Variants in MINPP1 observed in about 807,000 individuals in gnomAD.
MINPP1 encodes multiple inositol polyphosphate phosphatase 1.
MINPP1 carries 28 observed loss-of-function variants against 46.1 expected under a neutral mutation model. The ratio of observed to expected loss-of-function variants is 0.61; its 90% CI spans 0.45 to 0.83. MINPP1 has a LOEUF of 0.83. Ranked by LOEUF, MINPP1 falls within the 40% of genes least tolerant of loss-of-function variation. The pLI is 0.00. For synonymous variants in MINPP1, 268 were observed against 249.1 expected, an observed-to-expected ratio of 1.08 and a Z score of -0.72; for missense variants, 603 against 610.0, an observed-to-expected ratio of 0.99 and a Z score of 0.12.
chr10:87,529,934 C>T (rs952002597), intron 4 of MINPP1, among the ~76,000 whole-genome samples: 4 of 152,148 alleles, frequency 2.6e-5, no homozygotes, highest in African/African-American at 9.7e-5. Context: ...AACTTCTCTT[C>T]TCGCTTCATT....
At position 87,541,138 on chromosome 10, in the gene MINPP1, T is replaced by C. The variant is rs530728467; in HGVS notation, c.1068-10944T>C. 2.3e-3 allele frequency among the ~76,000 whole-genome samples: 345 copies of C among 152,306 alleles called. 1 individual carries two copies. The highest frequency in any genetic ancestry group is 5.6e-3 in the South Asian group (27 of 4,828). ...TGCTACTTAACTTTGTCAAAGAAAATAGAAATGTGAGTAATCCTTATAAAT... is the reference window on the plus strand; with the variant it reads ...TGCTACTTAACTTTGTCAAAGAAAACAGAAATGTGAGTAATCCTTATAAAT... On this transcript the variant is annotated intron_variant, in intron 4 of 4. Coordinates refer to ENST00000371996, the MANE Select transcript of MINPP1 (RefSeq NM_004897.5).
rs1160682999 is a variant in MINPP1, at chr10:87,553,386, T to C, written c.*908T>C. The C allele has an allele frequency of 6.6e-6, 1 of 152,146 alleles. No individual in the cohort carries two copies. The highest frequency in any genetic ancestry group is 1.5e-5 in the Non-Finnish European group (1 of 68,012). 9.4% of individuals were successfully genotyped at this position (152,146 alleles called of 1,614,324 possible). A position where few individuals can be genotyped will look rare whatever the true frequency, so the allele number is the denominator to read the frequency against. On this transcript the variant is annotated 3_prime_UTR_variant, in exon 5 of 5. Transcript: ENST00000371996. ...TATAATAAAGAAAATTCTTGTGACTTTACTACCAGGACTTTTCTCTTCCCC... is the reference window on the plus strand; with the variant it reads ...TATAATAAAGAAAATTCTTGTGACTCTACTACCAGGACTTTTCTCTTCCCC...
chr10:87,523,935 TTTG>T (rs1189591973), intron 4 of MINPP1, among the ~76,000 whole-genome samples: 1 of 152,208 alleles, frequency 6.6e-6, no homozygotes, highest in African/African-American at 2.4e-5. Context: ...TCATCCAGGC[TTTG>T]TTGTTCTATT....
At chr10:87,521,713 G>T (rs1851504233) in intron 4 of MINPP1, among the ~76,000 whole-genome samples, 1 of 152,148 alleles carries the variant, frequency 6.6e-6, no homozygotes, top group Non-Finnish European at 1.5e-5. Flanking sequence ...TTGTCAGTGG[G>T]CATTTAGATA....
chr10:87,522,388 A>G (rs12250975), intron 4 of MINPP1, among the ~76,000 whole-genome samples: 17,067 of 152,154 alleles, frequency 0.11, 2,026 homozygotes, highest in East Asian at 0.31. Context: ...TAGGGTCATT[A>G]TTTTTTAAAA....
chr10:87,505,167 C>T lies in MINPP1; in HGVS notation c.252C>T (p.Val84=), dbSNP rs1204390035. The T allele has an allele frequency of 6.2e-7, 1 of 1,608,804 alleles. No homozygotes were observed. The highest frequency in any genetic ancestry group is 8.5e-7 in the Non-Finnish European group (1 of 1,177,778). ...LEGTCTPVQL[V]ALIRHGTRYP... is the part of the protein sequence containing the mutation. ...GGACCTGCACCCCGGTGCAGCTGGT[C>T]GCCCTCATTCGCCACGGCACCCGCT... Residue 84 remains valine (V), a synonymous_variant, in exon 1 of 5, where the codon GTC becomes GTT. Coordinates refer to ENST00000371996, the MANE Select transcript of MINPP1 (RefSeq NM_004897.5). This position sits in a 1 kb window ranked among gnomAD's most constrained non-coding sequence, Gnocchi z 4.4.
At chr10:87,531,935 T>G (rs1851665887) in intron 4 of MINPP1, among the ~76,000 whole-genome samples, 1 of 152,206 alleles carries the variant, frequency 6.6e-6, no homozygotes, top group Non-Finnish European at 1.5e-5. Context: ...ATACTCAACC[T>G]ATACCTCACC....
intron 4 of MINPP1, among the ~76,000 whole-genome samples, chr10:87,549,958 A>G (rs1851939261): frequency 6.6e-6 from 1 of 152,240 alleles, no homozygotes; most frequent in Non-Finnish European, 1.5e-5. Flanking sequence ...AGACTTGAAT[A>G]TACTCAGATG....
In MINPP1 at chr10:87,505,537, C is replaced by T. The variant is rs567369847; in HGVS notation, c.622C>T (p.Pro208Ser). 1.7e-5 allele frequency: 28 copies of T among 1,607,658 alleles called. No individual in the cohort carries two copies. In the South Asian group the frequency reaches 3.0e-4, roughly 17 times the overall value. ...GCAGCACTACCACCCTGGCTTGCCG[C>T]CGCCGGACGTCGCAGGTGACCCCCC... ...LWQHYHPGLPPPDVADMEFGP... is the reference protein window; with the variant it reads ...LWQHYHPGLPSPDVADMEFGP... The change falls in exon 1 of 5, where the codon CCG (proline) becomes TCG (serine). Residue 208 changes from proline (P) to serine (S), a missense_variant. Around this residue, in one of 3 missense-constraint regions of MINPP1, gnomAD observed 344 missense variants for 381.1 expected, o/e 0.90. Transcript: ENST00000371996. This position sits in a 1 kb window ranked among gnomAD's most constrained non-coding sequence, Gnocchi z 4.4.
At chr10:87,528,615 T>A (rs1432319239) in intron 4 of MINPP1, among the ~76,000 whole-genome samples, 4 of 152,036 alleles carry the variant, frequency 2.6e-5, no homozygotes, top group Non-Finnish European at 5.9e-5. Flanking sequence ...TGCTGAGGAG[T>A]GCTTTACTTC....
chr10:87,525,688 C>G (rs1303938101), intron 4 of MINPP1, among the ~76,000 whole-genome samples: 1 of 152,194 alleles, frequency 6.6e-6, no homozygotes, highest in Non-Finnish European at 1.5e-5. Flanking sequence ...TAATGCTATC[C>G]TTTCCCCCTC....
intron 1 of MINPP1, chr10:87,507,749 A>G: frequency 2.6e-6 from 2 of 763,718 alleles, no homozygotes; most frequent in Non-Finnish European, 3.2e-6. Context: ...AATTTTATAT[A>G]GAAAGTTATC....
chr10:87,541,380 C>T (rs1851813568), intron 4 of MINPP1, among the ~76,000 whole-genome samples: 1 of 152,068 alleles, frequency 6.6e-6, no homozygotes, highest in African/African-American at 2.4e-5. Context: ...TGAATGGGAC[C>T]TTGATTTGAA....
rs568497933 is a variant in MINPP1 at position 87,510,159 on chromosome 10, T to C, written c.835+1626T>C. On this transcript the variant is annotated intron_variant, in intron 2 of 4. Transcript: ENST00000371996. ...GAACATGGGAATTATTCTTGTCTTA[T>C]AGGATTATTGCAAAGATTATATAAG... Among the ~76,000 whole-genome samples, 11 of 152,384 alleles carry C rather than the reference T, an allele frequency of 7.2e-5. No individual in the cohort carries two copies. The South Asian group carries it at 2.3e-3, about 32-fold the overall frequency.
Position 87,521,086 on chromosome 10 carries a change from G to A in MINPP1, c.984G>A (p.Gly328=). The change falls in exon 4 of 5, where the codon GGG becomes GGA. Residue 328 remains glycine, a synonymous_variant. Coordinates refer to ENST00000371996, the MANE Select transcript of MINPP1 (RefSeq NM_004897.5). ...AACAATATTGGAAAAGAGGATATGG[G>A]TATACTATTAACAGTCGATCCAGCT... ...DLKQYWKRGY[G]YTINSRSSCT... 2.1e-6 allele frequency: 3 copies of A among 1,447,440 alleles called. No individual in the cohort carries two copies. The highest frequency in any genetic ancestry group is 2.9e-6 in the Non-Finnish European group (3 of 1,029,398). 89.7% of individuals were successfully genotyped at this position (1,447,440 alleles called of 1,614,324 possible). A position where few individuals can be genotyped will look rare whatever the true frequency, so the allele number is the denominator to read the frequency against.
At chr10:87,529,015 G>A (rs530407973) in intron 4 of MINPP1, among the ~76,000 whole-genome samples, 2 of 152,118 alleles carry the variant, frequency 1.3e-5, no homozygotes, top group Non-Finnish European at 2.9e-5. Context: ...TGTTTTATCA[G>A]AGACTAGGAT....
intron 4 of MINPP1, among the ~76,000 whole-genome samples, chr10:87,521,630 A>G (rs949665869): frequency 2.6e-5 from 4 of 152,210 alleles, no homozygotes; most frequent in Non-Finnish European, 5.9e-5. Context: ...AATATTCAAC[A>G]TATTATTGCA....
chr10:87,520,056 T>TTGTGTGTGTGTGTGTGTG (rs762881110), intron 3 of MINPP1, among the ~76,000 whole-genome samples: 25 of 37,796 alleles, frequency 6.6e-4, no homozygotes, highest in African/African-American at 5.0e-3. Context: ...ATAAAAGGTA[T>TTGTGTGTGTGTGTGTGTG]AGTGTGTGTG....
At chr10:87,524,802 A>G (rs1036567293) in intron 4 of MINPP1, among the ~76,000 whole-genome samples, 3 of 152,186 alleles carry the variant, frequency 2.0e-5, no homozygotes, top group Non-Finnish European at 2.9e-5. Flanking sequence ...TACAACATTT[A>G]TCAGTTAAAT....
Sources: gnomAD v4.1 joint callset for allele counts (sites outside exome capture counted in the v4.1 genomes callset) on GRCh38, gnomAD v4.1.1 for gene constraint, gnomAD v4.1.1 regional missense constraint, Gnocchi (gnomAD v3.1) non-coding constraint, MANE v1.5 for transcripts, NCBI Gene and HGNC (gene_info 2026-07-23, HGNC 2026-07-21) for gene names.